LRRC4C: variants seen among roughly 807,000 people sequenced by gnomAD.
LRRC4C encodes the protein leucine-rich repeat-containing protein 4C.
A neutral mutation model predicts 33.6 loss-of-function variants in LRRC4C; 5 were observed. The observed-to-expected ratio is 0.15, with a 90% CI of 0.08 to 0.31. LRRC4C has a LOEUF of 0.31. Among genes scored for constraint, LRRC4C ranks in the 10% least tolerant of loss-of-function variants. The pLI is 1.00. For missense variants in LRRC4C, 560 were observed against 796.7 expected (o/e 0.70, Z 3.58); for synonymous variants, 329 against 302.0 (o/e 1.09, Z -0.93).
At chr11:40,205,507 T>C (rs1863080177) in intron 5 of LRRC4C, among the ~76,000 whole-genome samples, 1 of 152,140 alleles carries the variant, frequency 6.6e-6, no homozygotes, top group Non-Finnish European at 1.5e-5. Context: ...ACTACAGTCA[T>C]GACCTTGAAA....
At chr11:40,317,520 T>C (rs1945633917) in intron 4 of LRRC4C, among the ~76,000 whole-genome samples, 1 of 152,084 alleles carries the variant, frequency 6.6e-6, no homozygotes, top group Non-Finnish European at 1.5e-5. Context: ...TTACTGACAA[T>C]TGTAGCCATG....
intron 2 of LRRC4C, among the ~76,000 whole-genome samples, chr11:40,739,299 T>C (rs1948044629): frequency 6.6e-6 from 1 of 151,926 alleles, no homozygotes; most frequent in Non-Finnish European, 1.5e-5. Context: ...TACAAGTAAG[T>C]ATATATAGTA....
At chr11:40,422,704 G>T (rs1391372731) in intron 3 of LRRC4C, among the ~76,000 whole-genome samples, 1 of 145,936 alleles carries the variant, frequency 6.9e-6, no homozygotes, top group Non-Finnish European at 1.5e-5. Flanking sequence ...AAAAAAAAAA[G>T]CAAATTATTT....
chr11:40,390,142 C>T (rs1949280490), intron 3 of LRRC4C, among the ~76,000 whole-genome samples: 3 of 152,196 alleles, frequency 2.0e-5, no homozygotes, highest in Non-Finnish European at 1.5e-5. Flanking sequence ...CAAAACACAT[C>T]AGCTCCTGCC....
At chr11:41,336,725 G>T (rs1951467341) in intron 1 of LRRC4C, among the ~76,000 whole-genome samples, 1 of 152,098 alleles carries the variant, frequency 6.6e-6, no homozygotes, top group African/African-American at 2.4e-5. Flanking sequence ...CCTCCTTTTG[G>T]CCTTGCCATG....
At chr11:40,550,172 A>C (rs1431420133) in intron 3 of LRRC4C, among the ~76,000 whole-genome samples, 1 of 152,156 alleles carries the variant, frequency 6.6e-6, no homozygotes, top group East Asian at 1.9e-4. Flanking sequence ...ACTCTCAATT[A>C]GTTAATATGC....
chr11:41,162,715 A>G (rs563408930), intron 1 of LRRC4C, among the ~76,000 whole-genome samples: 47 of 152,348 alleles, frequency 3.1e-4, no homozygotes, highest in Admixed American at 1.2e-3. Context: ...GTACAACTGT[A>G]TCAGGCACTT....
chr11:40,580,773 A>C (rs1797109906), intron 3 of LRRC4C, among the ~76,000 whole-genome samples: 1 of 152,192 alleles, frequency 6.6e-6, no homozygotes, highest in Admixed American at 6.5e-5. Flanking sequence ...CTAATTCAAA[A>C]ATCTTAACTT....
At chr11:40,675,094 T>C (rs1944328547) in intron 2 of LRRC4C, among the ~76,000 whole-genome samples, 2 of 152,168 alleles carry the variant, frequency 1.3e-5, no homozygotes, top group Admixed American at 1.3e-4. Flanking sequence ...TTTATTTCAT[T>C]GACAAGGTAG....
intron 3 of LRRC4C, among the ~76,000 whole-genome samples, chr11:40,390,771 T>G (rs933366010): frequency 6.6e-6 from 1 of 152,194 alleles, no homozygotes; most frequent in Non-Finnish European, 1.5e-5. Flanking sequence ...GTAACACAGA[T>G]TCCTGCCTGC....
rs372003399 is a variant in LRRC4C at position 41,017,043 on chromosome 11, T to C, written c.-495-83320A>G. On this transcript the variant is annotated intron_variant, in intron 1 of 6. Transcript: ENST00000528697. ...TTTTTTTCTCCAGGGGTAGGATCAG[T>C]TGATACCTGAGACTGAATTTGAAAT... Among the ~76,000 whole-genome samples the C allele has an allele frequency of 4.5e-4, 69 of 152,318 alleles. 1 individual carries two copies. Among genetic ancestry groups the C allele is most frequent in the African/African-American group, 1.6e-3 (65 of 41,568 alleles).
At chr11:40,141,090 A>G (rs938575480) in intron 5 of LRRC4C, among the ~76,000 whole-genome samples, 1 of 152,146 alleles carries the variant, frequency 6.6e-6, no homozygotes, top group Admixed American at 6.5e-5. Flanking sequence ...TTGGACTTAC[A>G]AGAAATGTAG....
chr11:40,631,751 A>G (rs1048536657), intron 3 of LRRC4C, among the ~76,000 whole-genome samples: 1 of 152,198 alleles, frequency 6.6e-6, no homozygotes, highest in Admixed American at 6.5e-5. Flanking sequence ...AAGTAGTTTA[A>G]TTAGTATAGA....
At chr11:41,211,307 A>G (rs1025055091) in intron 1 of LRRC4C, among the ~76,000 whole-genome samples, 1 of 152,142 alleles carries the variant, frequency 6.6e-6, no homozygotes, top group African/African-American at 2.4e-5. Context: ...AAAGAGGCCA[A>G]CTAATCTTTT....
rs2135820464 is a variant in LRRC4C, at chr11:40,859,192, A to G, written c.-407+74443T>C. On this transcript the variant is annotated intron_variant, in intron 2 of 6. Coordinates refer to ENST00000528697, the MANE Select transcript of LRRC4C (RefSeq NM_001258419.2). ...AGAGGGTTAAGAGAATCGTGGACTA[A>G]GCAAGAGTACAGGTTCTAGAGTCCA... Among the ~76,000 whole-genome samples the G allele has an allele frequency of 2.0e-5, 3 of 152,334 alleles. 1 individual carries two copies. In the East Asian group the frequency reaches 5.8e-4, roughly 29 times the overall value.
At chr11:41,048,428 C>A (rs142283034) in intron 1 of LRRC4C, among the ~76,000 whole-genome samples, 4,032 of 151,918 alleles carry the variant, frequency 0.027, 188 homozygotes, top group East Asian at 0.21. Context: ...CCATGCCCAG[C>A]TAGTTTTTGT....
chr11:40,430,139 CA>C (rs1950863948), intron 3 of LRRC4C, among the ~76,000 whole-genome samples: 1 of 151,904 alleles, frequency 6.6e-6, no homozygotes, highest in African/African-American at 2.4e-5. Context: ...TTACATCAAT[CA>C]AAGCTTCAAA....
intron 4 of LRRC4C, among the ~76,000 whole-genome samples, chr11:40,268,303 C>T (rs1942435447): frequency 6.6e-6 from 1 of 152,102 alleles, no homozygotes; most frequent in South Asian, 2.1e-4. Context: ...GCTAAAGACA[C>T]TTCAAAGTGA....
intron 2 of LRRC4C, among the ~76,000 whole-genome samples, chr11:40,893,904 G>A (rs1955826746): frequency 6.6e-6 from 1 of 151,736 alleles, no homozygotes; most frequent in Non-Finnish European, 1.5e-5. Context: ...TCTAAGTTTT[G>A]AAATCTGAGC....
Sources: gnomAD v4.1 joint callset for allele counts (sites outside exome capture counted in the v4.1 genomes callset) on GRCh38, gnomAD v4.1.1 for gene constraint, MANE v1.5 for transcripts, NCBI Gene and HGNC (gene_info 2026-07-23, HGNC 2026-07-21) for gene names.